The following BFSP1 variants were observed in gnomAD, a reference collection of about 807,000 sequenced individuals.
The protein encoded by BFSP1 is beaded filament structural protein 1.
In BFSP1, 38 loss-of-function variants were observed where a neutral mutation model predicts 43.9. That is an observed-to-expected ratio of 0.87 (90% CI 0.67 to 1.14). BFSP1 has a LOEUF of 1.14. Among genes scored for constraint, BFSP1 ranks in the 50% most tolerant of loss-of-function variants. The pLI, the probability that BFSP1 is intolerant of heterozygous loss-of-function variation, is 0.00. For missense variants in BFSP1, 850 were observed against 875.1 expected, an observed-to-expected ratio of 0.97 and a Z score of 0.36; for synonymous variants, 352 against 354.8, an observed-to-expected ratio of 0.99 and a Z score of 0.09.
intron 5 of BFSP1, among the ~76,000 whole-genome samples, chr20:17,505,766 C>T (rs773778696): frequency 2.0e-5 from 3 of 152,176 alleles, no homozygotes; most frequent in African/African-American, 4.8e-5. Flanking sequence ...CTGGACCAGC[C>T]GCAGCACCAT....
chr20:17,563,376 A>G (rs1339335460), upstream of BFSP1, among the ~76,000 whole-genome samples: 2 of 75,858 alleles, frequency 2.6e-5, no homozygotes, highest in South Asian at 1.3e-3. Flanking sequence ...CTCCCTTCCT[A>G]CCTTTCCTTC....
At chr20:17,563,549 C>T (rs112886699), upstream of BFSP1, among the ~76,000 whole-genome samples, 106 of 152,090 alleles carry the variant, frequency 7.0e-4, no homozygotes, top group African/African-American at 2.5e-3. Flanking sequence ...CCATGTTGGA[C>T]AGGCTGGTCT....
At chr20:17,556,262 G>A (rs960998803) in intron 1 of BFSP1, among the ~76,000 whole-genome samples, 4 of 151,974 alleles carry the variant, frequency 2.6e-5, no homozygotes, top group African/African-American at 7.3e-5. Context: ...CAGCACTTTT[G>A]GAGGCCAAGG....
intron 1 of BFSP1, among the ~76,000 whole-genome samples, chr20:17,529,552 A>AT (rs1438599320): frequency 1.3e-5 from 2 of 151,910 alleles, no homozygotes; most frequent in African/African-American, 4.8e-5. Context: ...GTGTCCTGAA[A>AT]TTCTTTTTAT....
At chr20:17,506,606 C>T (rs2123476109) in intron 5 of BFSP1, among the ~76,000 whole-genome samples, 1 of 151,680 alleles carries the variant, frequency 6.6e-6, no homozygotes, top group Admixed American at 6.6e-5. Context: ...TCACTGCAGC[C>T]TCAACCTCTC....
At chr20:17,499,797 C>T (rs1431401491) in intron 5 of BFSP1, among the ~76,000 whole-genome samples, 1 of 152,010 alleles carries the variant, frequency 6.6e-6, no homozygotes, top group Non-Finnish European at 1.5e-5. Flanking sequence ...TGGCACACGC[C>T]ATAATCCCAG....
At chr20:17,521,528 T>C (rs947916642) in intron 2 of BFSP1, among the ~76,000 whole-genome samples, 1 of 152,184 alleles carries the variant, frequency 6.6e-6, no homozygotes, top group African/African-American at 2.4e-5. Flanking sequence ...ACCTCGTTGA[T>C]CTGATGTAAG....
At chr20:17,524,451 C>T (rs1462063950) in intron 2 of BFSP1, among the ~76,000 whole-genome samples, 3 of 152,180 alleles carry the variant, frequency 2.0e-5, no homozygotes, top group Non-Finnish European at 4.4e-5. Flanking sequence ...TGTGGAGCCG[C>T]AATCTCAAAA....
chr20:17,516,400 CT>C (rs1243418667), intron 2 of BFSP1, among the ~76,000 whole-genome samples: 1 of 152,160 alleles, frequency 6.6e-6, no homozygotes, highest in African/African-American at 2.4e-5. Context: ...TGAAAGACCA[CT>C]GGTGTAGTAA....
chr20:17,568,551 A>G (rs923369783), intron 1 of BFSP1, among the ~76,000 whole-genome samples: 2 of 152,082 alleles, frequency 1.3e-5, no homozygotes, highest in Admixed American at 1.3e-4. Flanking sequence ...CTCAAGCATC[A>G]TCTTAGAAGC....
At chr20:17,543,909 A>T (rs2034760555) in intron 1 of BFSP1, among the ~76,000 whole-genome samples, 1 of 152,246 alleles carries the variant, frequency 6.6e-6, no homozygotes, top group South Asian at 2.1e-4. Flanking sequence ...GACGTGATAG[A>T]AGTTCCCAAA....
At chr20:17,563,885 T>TAAAA (rs998399781), upstream of BFSP1, among the ~76,000 whole-genome samples, 25 of 90,782 alleles carry the variant, frequency 2.8e-4, no homozygotes, top group African/African-American at 8.4e-4. Context: ...AGACCGTGTC[T>TAAAA]AAAAAAAAAA....
chr20:17,520,609 C>G (rs574983019), intron 2 of BFSP1, among the ~76,000 whole-genome samples: 17 of 152,336 alleles, frequency 1.1e-4, no homozygotes, highest in African/African-American at 4.1e-4. Flanking sequence ...TGGACAAATT[C>G]TACATCTCTC....
intron 2 of BFSP1, among the ~76,000 whole-genome samples, chr20:17,521,325 T>C (rs1292215572): frequency 1.3e-5 from 2 of 152,214 alleles, no homozygotes; most frequent in African/African-American, 4.8e-5. Flanking sequence ...TTCCGTAGGC[T>C]TGATTACACG....
intron 1 of BFSP1, among the ~76,000 whole-genome samples, chr20:17,567,610 T>G (rs1330612426): frequency 6.6e-6 from 1 of 152,098 alleles, no homozygotes; most frequent in Non-Finnish European, 1.5e-5. Context: ...GCCTGTAATC[T>G]CAGCACTTTG....
At chr20:17,509,564 G>A (rs559448821) in intron 4 of BFSP1, among the ~76,000 whole-genome samples, 14 of 151,584 alleles carry the variant, frequency 9.2e-5, no homozygotes, top group African/African-American at 2.4e-4. Context: ...AGACCTGGCT[G>A]TGCCATGAAC....
chr20:17,568,794 C>T (rs2035153514), intron 1 of BFSP1, among the ~76,000 whole-genome samples: 1 of 151,446 alleles, frequency 6.6e-6, no homozygotes. Flanking sequence ...CTAGATTTTA[C>T]GTAGTGCCGG....
rs112674022 is a variant in BFSP1, at chr20:17,508,802, C to T, written c.735+87G>A. ...AGGATATGTTCAGCGTGTGACAGCT[C>T]CTCAAGCTGCATGCGTGTGCCTGCG... On this transcript the variant is annotated intron_variant, in intron 5 of 7. Transcript: ENST00000377873. The T allele has an allele frequency of 2.4e-6, 3 of 1,249,014 alleles. No individual in the cohort carries two copies. In the African/African-American group the frequency reaches 4.6e-5, roughly 19 times the overall value. 77.4% of individuals were successfully genotyped at this position (1,249,014 alleles called of 1,614,324 possible). A position where few individuals can be genotyped will look rare whatever the true frequency, so the allele number is the denominator to read the frequency against.
Position 17,530,960 on chromosome 20 carries a change from GGAACTCGTCGA to G in BFSP1, c.359_369del (p.Leu120ProfsTer5), listed in dbSNP as rs2034520380. 7.0e-7 allele frequency: 1 copy of G among 1,435,840 alleles called. No homozygotes were observed. The highest frequency in any genetic ancestry group is 2.7e-5 in the Admixed American group (1 of 36,584). The allele number at this position is 1,435,840 out of a possible 1,614,324, so 88.9% of individuals were successfully genotyped here. ...CCGATGGCCGCCGCTTACTTGCTTC[GGAACTCGTCGA>G]GCGCGCGCTGCGCCTCGGTGCCCTG... is the stretch of plus-strand genomic sequence containing the variant. On this transcript the variant is annotated frameshift_variant, in exon 1 of 8. Coordinates refer to ENST00000377873, the MANE Select transcript of BFSP1 (RefSeq NM_001195.5). LOFTEE classifies it high-confidence loss of function.
Sources: allele counts gnomAD v4.1 joint callset (sites outside exome capture counted in the v4.1 genomes callset), GRCh38; gene constraint gnomAD v4.1.1; transcripts MANE v1.5; gene names NCBI Gene and HGNC (gene_info 2026-07-23, HGNC 2026-07-21).